KCNQ5: variants seen among roughly 807,000 people sequenced by gnomAD.
The protein encoded by KCNQ5 is potassium voltage-gated channel subfamily Q member 5, also known as potassium voltage-gated channel subfamily KQT member 5.
Under a neutral mutation model 98.2 loss-of-function variants are expected in KCNQ5, and 30 were observed. That is an observed-to-expected ratio of 0.31 (90% CI 0.23 to 0.41). The LOEUF is 0.41. KCNQ5 is among the 10% of genes least tolerant of loss of function. The pLI, the probability that KCNQ5 is intolerant of heterozygous loss-of-function variation, is 1.00. For missense variants in KCNQ5, 835 were observed against 1,182.5 expected (o/e 0.71, Z 4.31); for synonymous variants, 458 against 449.4 (o/e 1.02, Z -0.24).
intron 1 of KCNQ5, among the ~76,000 whole-genome samples, chr6:72,668,294 A>C (rs1428340914): frequency 6.6e-6 from 1 of 152,238 alleles, no homozygotes; most frequent in African/African-American, 2.4e-5. Flanking sequence ...TTGACTAAAC[A>C]TAATTACTGA....
chr6:72,844,024 G>T (rs987577286), intron 1 of KCNQ5, among the ~76,000 whole-genome samples: 1 of 152,160 alleles, frequency 6.6e-6, no homozygotes, highest in East Asian at 1.9e-4. Flanking sequence ...GGGGCTATGG[G>T]AAGGATAGCA....
chr6:72,662,474 C>T lies in KCNQ5; in HGVS notation c.398+39887C>T, dbSNP rs552457286. On this transcript the variant is annotated intron_variant, in intron 1 of 13. Transcript: ENST00000370398. The stretch of plus-strand genomic sequence containing the variant: ...TTTTTATTGAAAAGCAGATGTGAAT[C>T]AGCTACTAGACAGATATCATTACAC... Among the ~76,000 whole-genome samples, 30 of 152,126 alleles carry T rather than the reference C, an allele frequency of 2.0e-4. No homozygotes were observed. The South Asian group carries it at 5.6e-3, about 28-fold the overall frequency.
At chr6:72,730,204 T>C (rs1382605195) in intron 1 of KCNQ5, among the ~76,000 whole-genome samples, 1 of 152,180 alleles carries the variant, frequency 6.6e-6, no homozygotes, top group South Asian at 2.1e-4. Context: ...GTGAATATTC[T>C]GTAGGACCTG....
chr6:72,932,739 C>T (rs990975809), intron 1 of KCNQ5, among the ~76,000 whole-genome samples: 5 of 152,062 alleles, frequency 3.3e-5, no homozygotes, highest in Non-Finnish European at 7.4e-5. Context: ...ATCTCATATA[C>T]GGTAGCTTAA....
intron 1 of KCNQ5, among the ~76,000 whole-genome samples, chr6:72,959,814 A>G (rs1321428761): frequency 1.3e-5 from 2 of 152,236 alleles, no homozygotes; most frequent in Non-Finnish European, 2.9e-5. Flanking sequence ...GATTCACGAC[A>G]CAATTCAAAC....
rs548370135 is a variant in KCNQ5, at chr6:72,749,620, A to G, written c.398+127033A>G. ...TGCTCTGCCTTCCACTCTACAGAAA[A>G]GGGACAGGGAAATAGTCCAATCATA... On this transcript the variant is annotated intron_variant, in intron 1 of 13. Transcript: ENST00000370398. 2.0e-5 allele frequency among the ~76,000 whole-genome samples: 3 copies of G among 152,248 alleles called. No individual in the cohort carries two copies. The East Asian group carries it at 5.8e-4, about 29-fold the overall frequency.
intron 3 of KCNQ5, among the ~76,000 whole-genome samples, chr6:73,062,156 G>A (rs1772809428): frequency 6.6e-6 from 1 of 152,124 alleles, no homozygotes; most frequent in Non-Finnish European, 1.5e-5. Context: ...AATTAGAAGG[G>A]CTTTTGAAGC....
chr6:72,956,570 T>TTTTATTTG (rs1767076185), intron 1 of KCNQ5, among the ~76,000 whole-genome samples: 1 of 150,440 alleles, frequency 6.6e-6, no homozygotes, highest in Non-Finnish European at 1.5e-5. Flanking sequence ...TTTTTTATTT[T>TTTTATTTG]TTATTTTTTA....
intron 1 of KCNQ5, among the ~76,000 whole-genome samples, chr6:72,646,829 A>C (rs887448940): frequency 6.6e-6 from 1 of 152,188 alleles, no homozygotes; most frequent in African/African-American, 2.4e-5. Context: ...TGAGATATGA[A>C]TCATCATTAT....
chr6:73,026,189 T>A (rs1314126066), intron 2 of KCNQ5, among the ~76,000 whole-genome samples: 1 of 152,196 alleles, frequency 6.6e-6, no homozygotes, highest in Non-Finnish European at 1.5e-5. Context: ...TCCAAACTTC[T>A]GCCCAAGGCC....
intron 1 of KCNQ5, chr6:72,630,733 G>C (rs1457603514): frequency 6.6e-6 from 1 of 152,106 alleles, no homozygotes; most frequent in Non-Finnish European, 1.5e-5. Context: ...TAGCATGGTG[G>C]CTCTCGCTGA....
chr6:72,698,648 C>CTTCTTTTTTTT (rs1554689823), intron 1 of KCNQ5, among the ~76,000 whole-genome samples: 11 of 94,014 alleles, frequency 1.2e-4, no homozygotes, highest in African/African-American at 2.5e-4. Flanking sequence ...TCTTCTTCTT[C>CTTCTTTTTTTT]TTTTTTTTTT....
chr6:73,173,317 TAA>T (rs1325606088), intron 11 of KCNQ5, among the ~76,000 whole-genome samples: 4 of 152,214 alleles, frequency 2.6e-5, no homozygotes, highest in African/African-American at 7.2e-5. Flanking sequence ...CAAACAATGT[TAA>T]GTTTCTTTTT....
chr6:72,683,048 T>C (rs117348055), intron 1 of KCNQ5, among the ~76,000 whole-genome samples: 334 of 152,338 alleles, frequency 2.2e-3, no homozygotes, highest in Non-Finnish European at 3.8e-3. Context: ...GTGTCTTCCT[T>C]GGCCTGGATG....
At chr6:73,073,972 T>A (rs187683274) in intron 3 of KCNQ5, among the ~76,000 whole-genome samples, 73 of 152,310 alleles carry the variant, frequency 4.8e-4, no homozygotes, top group African/African-American at 1.5e-3. Context: ...TGCTAGAAAT[T>A]GAAGTGATCC....
At chr6:73,117,882 A>G (rs1025638004) in intron 7 of KCNQ5, among the ~76,000 whole-genome samples, 1 of 152,196 alleles carries the variant, frequency 6.6e-6, no homozygotes, top group African/African-American at 2.4e-5. Flanking sequence ...ATGCAACAAT[A>G]GTTGCATTAT....
At chr6:72,843,527 A>G (rs1776893814) in intron 1 of KCNQ5, among the ~76,000 whole-genome samples, 3 of 152,100 alleles carry the variant, frequency 2.0e-5, no homozygotes, top group Admixed American at 1.3e-4. Flanking sequence ...AAGAAAGCCA[A>G]TGGTAGCTTG....
intron 1 of KCNQ5, among the ~76,000 whole-genome samples, chr6:72,882,975 A>C (rs1325835215): frequency 1.3e-5 from 2 of 152,198 alleles, no homozygotes; most frequent in African/African-American, 4.8e-5. Context: ...AACTTGATTT[A>C]GATAATTTTA....
chr6:73,118,495 TA>T (rs1366534678), intron 7 of KCNQ5, among the ~76,000 whole-genome samples: 1 of 151,964 alleles, frequency 6.6e-6, no homozygotes, highest in Non-Finnish European at 1.5e-5. Flanking sequence ...TATAAGCATA[TA>T]TTTTGAAAAT....
Sources: gnomAD v4.1 joint callset for allele counts (sites outside exome capture counted in the v4.1 genomes callset) on GRCh38, gnomAD v4.1.1 for gene constraint, MANE v1.5 for transcripts, NCBI Gene and HGNC (gene_info 2026-07-23, HGNC 2026-07-21) for gene names.